The following MAGI1 variants were observed in gnomAD, a reference collection of about 807,000 sequenced individuals.
MAGI1 encodes membrane-associated guanylate kinase, WW and PDZ domain-containing protein 1.
Under a neutral mutation model 139.9 loss-of-function variants are expected in MAGI1, and 58 were observed. That is an observed-to-expected ratio of 0.41 (90% CI 0.34 to 0.52). The LOEUF (loss-of-function observed/expected upper bound fraction) is 0.52, where lower values mean the gene tolerates loss of function less well. MAGI1 is among the 20% of genes least tolerant of loss of function. The pLI, the probability that MAGI1 is intolerant of heterozygous loss-of-function variation, is 0.12. For synonymous variants in MAGI1, 812 were observed against 737.9 expected (o/e 1.10, Z -1.63); for missense variants, 1,874 against 1,901.6 (o/e 0.99, Z 0.27).
intron 1 of MAGI1, among the ~76,000 whole-genome samples, chr3:65,696,665 T>C (rs1390637152): frequency 6.6e-6 from 1 of 152,126 alleles, no homozygotes; most frequent in East Asian, 1.9e-4. Context: ...TTTCCTAACA[T>C]TTGTGGCAAT....
chr3:65,512,428 AAGAG>A (rs1286896216), intron 2 of MAGI1, among the ~76,000 whole-genome samples: 1,828 of 147,340 alleles, frequency 0.012, 18 homozygotes, highest in African/African-American at 0.042. Flanking sequence ...TAAAGAAAAA[AAGAG>A]AGAAGAATCA....
At position 65,429,515 on chromosome 3, in the gene MAGI1, C is replaced by A; in HGVS notation, c.2167+5G>T. The A allele has an allele frequency of 6.2e-7, 1 of 1,602,164 alleles. No homozygotes were observed. Among genetic ancestry groups the A allele is most frequent in the Non-Finnish European group, 8.5e-7 (1 of 1,172,736 alleles). The stretch of plus-strand genomic sequence containing the variant: ...AAATTCAAAGAACAAAACAACCCTA[C>A]TTACCTCCTCGTTGCACCAACAATG... On this transcript the variant is annotated splice_donor_5th_base_variant and intron_variant, in intron 12 of 22. Transcript: ENST00000402939.
chr3:65,704,784 G>A (rs7637877), intron 1 of MAGI1, among the ~76,000 whole-genome samples: 6,836 of 150,318 alleles, frequency 0.045, 193 homozygotes, highest in African/African-American at 0.062. Flanking sequence ...GTAGAAATGC[G>A]CCTCTATGGT....
intron 1 of MAGI1, among the ~76,000 whole-genome samples, chr3:65,904,169 G>A (rs1305925872): frequency 6.6e-6 from 1 of 152,172 alleles, no homozygotes; most frequent in African/African-American, 2.4e-5. Flanking sequence ...ATTCCAGACA[G>A]TAATGAGACA....
At chr3:65,813,524 CTACATAG>C (rs1262917027) in intron 1 of MAGI1, among the ~76,000 whole-genome samples, 1 of 152,140 alleles carries the variant, frequency 6.6e-6, no homozygotes, top group Admixed American at 6.5e-5. Context: ...AAAATATATA[CTACATAG>C]TAATGGTGGG....
In MAGI1 at chr3:65,515,101, T is replaced by G. The variant is rs565058286; in HGVS notation, c.431-21470A>C. ...ACATATTCTCACTCATAGGTGGGAA[T>G]TGAACAATGAGATCACATGGACACA... On this transcript the variant is annotated intron_variant, in intron 2 of 22. Coordinates refer to ENST00000402939, the MANE Select transcript of MAGI1 (RefSeq NM_001033057.2). Among the ~76,000 whole-genome samples, 57 of 130,378 alleles carry G rather than the reference T, an allele frequency of 4.4e-4. No homozygotes were observed. The South Asian group carries it at 0.015, about 34-fold the overall frequency. The allele number at this position is 130,378 out of a possible 152,430, so 85.5% of individuals were successfully genotyped here.
intron 12 of MAGI1, among the ~76,000 whole-genome samples, chr3:65,428,219 C>T (rs1245347778): frequency 6.6e-6 from 1 of 152,292 alleles, no homozygotes; most frequent in African/African-American, 2.4e-5. Flanking sequence ...TTCTTGATCT[C>T]TTTTCAAAAG....
chr3:65,509,732 C>T (rs1190487938), intron 2 of MAGI1, among the ~76,000 whole-genome samples: 5 of 152,040 alleles, frequency 3.3e-5, no homozygotes, highest in Non-Finnish European at 5.9e-5. Context: ...GGGGGAGGGG[C>T]GCCCGCCATT....
At chr3:65,761,009 C>T (rs752592505) in intron 1 of MAGI1, among the ~76,000 whole-genome samples, 6 of 152,214 alleles carry the variant, frequency 3.9e-5, no homozygotes, top group Admixed American at 1.3e-4. Flanking sequence ...CGCCCATAGA[C>T]GGATAGGTAC....
At chr3:65,642,396 G>A (rs531829684) in intron 1 of MAGI1, among the ~76,000 whole-genome samples, 39 of 152,182 alleles carry the variant, frequency 2.6e-4, no homozygotes, top group African/African-American at 8.7e-4. Context: ...CCTTCTATCC[G>A]GAAGACTCGA....
At chr3:65,970,804 G>A (rs1200913406) in intron 1 of MAGI1, among the ~76,000 whole-genome samples, 1 of 152,194 alleles carries the variant, frequency 6.6e-6, no homozygotes, top group Non-Finnish European at 1.5e-5. Context: ...AAGTCTCAAT[G>A]GTCATGGCTT....
intron 2 of MAGI1, among the ~76,000 whole-genome samples, chr3:65,575,502 A>G (rs2081140967): frequency 6.6e-6 from 1 of 152,174 alleles, no homozygotes; most frequent in African/African-American, 2.4e-5. Context: ...CATGTGACCC[A>G]GTAATTCCAC....
intron 2 of MAGI1, among the ~76,000 whole-genome samples, chr3:65,501,963 C>T (rs2077098267): frequency 6.6e-6 from 1 of 152,186 alleles, no homozygotes; most frequent in Admixed American, 6.5e-5. Context: ...TGTATGATTA[C>T]TCCATTTATA....
At chr3:65,953,305 C>G (rs191038047) in intron 1 of MAGI1, among the ~76,000 whole-genome samples, 11 of 152,154 alleles carry the variant, frequency 7.2e-5, no homozygotes, top group African/African-American at 9.7e-5. Context: ...AAACCAAAGG[C>G]CTTCATGAGG....
At chr3:65,441,624 A>G (rs900224691) in intron 8 of MAGI1, among the ~76,000 whole-genome samples, 4 of 152,216 alleles carry the variant, frequency 2.6e-5, no homozygotes, top group African/African-American at 9.6e-5. Flanking sequence ...GGGACAATTC[A>G]AAATGAGCTT....
chr3:65,673,465 T>G (rs1008496772), intron 1 of MAGI1, among the ~76,000 whole-genome samples: 1 of 152,240 alleles, frequency 6.6e-6, no homozygotes, highest in African/African-American at 2.4e-5. Flanking sequence ...ATAGATAATT[T>G]GTTGAGGTGT....
intron 1 of MAGI1, among the ~76,000 whole-genome samples, chr3:65,771,607 A>C (rs756085489): frequency 2.3e-4 from 35 of 152,220 alleles, no homozygotes; most frequent in Non-Finnish European, 4.1e-4. Context: ...AATGTGATTA[A>C]TAGTTATTTG....
intron 8 of MAGI1, among the ~76,000 whole-genome samples, chr3:65,441,149 T>C (rs929311709): frequency 2.0e-5 from 3 of 151,948 alleles, no homozygotes; most frequent in African/African-American, 7.3e-5. Flanking sequence ...TCAGTAGAAA[T>C]GGCGTTTCAC....
intron 12 of MAGI1, among the ~76,000 whole-genome samples, chr3:65,422,359 G>A (rs1357836599): frequency 2.0e-5 from 3 of 152,172 alleles, no homozygotes; most frequent in Non-Finnish European, 4.4e-5. Context: ...GCATCTACTA[G>A]CTGTTTAGGG....
Sources: allele counts gnomAD v4.1 joint callset (sites outside exome capture counted in the v4.1 genomes callset), GRCh38; gene constraint gnomAD v4.1.1; transcripts MANE v1.5; gene names NCBI Gene and HGNC (gene_info 2026-07-23, HGNC 2026-07-21).